The following AQR variants were observed in gnomAD, a reference collection of about 807,000 sequenced individuals.
AQR encodes aquarius intron-binding spliceosomal factor, also known as RNA helicase aquarius.
Under a neutral mutation model 180.5 loss-of-function variants are expected in AQR, and 61 were observed. The ratio of observed to expected loss-of-function variants is 0.34; its 90% CI spans 0.28 to 0.42. The LOEUF is 0.42. Among genes scored for constraint, AQR ranks in the 10% least tolerant of loss-of-function variants. AQR has a pLI of 1.00. For synonymous variants in AQR, 551 were observed against 588.8 expected (o/e 0.94, Z 0.93); for missense variants, 1,281 against 1,798.3 (o/e 0.71, Z 5.20).
intron 23 of AQR, 56 bp downstream of exon 23, chr15:34,893,607 G>GCACGCACGCACA (rs1555423808): frequency 1.0e-5 from 10 of 999,568 alleles, no homozygotes; most frequent in East Asian, 5.7e-5. Context: ...GCGCATGCGT[G>GCACGCACGCACA]CACACACACA....
chr15:34,952,554 T>A (rs781393719), intron 4 of AQR, among the ~76,000 whole-genome samples: 7 of 152,234 alleles, frequency 4.6e-5, no homozygotes, highest in Non-Finnish European at 1.0e-4. Context: ...GATGATAACA[T>A]TTTAGCTTGG....
chr15:34,958,998 G>GATATAGAT (rs1555375696), intron 3 of AQR, among the ~76,000 whole-genome samples: 5 of 131,652 alleles, frequency 3.8e-5, no homozygotes, highest in Admixed American at 1.5e-4. Flanking sequence ...TATAGATATA[G>GATATAGAT]ATATAGATAT....
chr15:34,857,908 C>A (rs988933781), intron 34 of AQR, among the ~76,000 whole-genome samples: 1 of 152,190 alleles, frequency 6.6e-6, no homozygotes, highest in African/African-American at 2.4e-5. Flanking sequence ...TTGCCCTTTG[C>A]CCCATGGCAG....
Position 34,870,775 on chromosome 15 carries a change from G to C in AQR, c.3745C>G (p.Pro1249Ala), listed in dbSNP as rs763892403. 3.5e-5 allele frequency: 57 copies of C among 1,611,496 alleles called. No homozygotes were observed. The highest frequency in any genetic ancestry group is 4.8e-5 in the Non-Finnish European group (57 of 1,178,900). ...DIINRRCGNN[P>A]LIGRPNKVTT... is the part of the protein sequence containing the mutation. ...ACCTTGTTTGGTCTTCCAATCAATG[G>C]ATTGTTTCCACATCGTCTATTGATG... is the stretch of plus-strand genomic sequence containing the variant. The change falls in exon 31 of 35, where the codon CCA (proline) becomes GCA (alanine). Residue 1249 changes from proline to alanine, a missense_variant. This residue lies in a region of AQR where 197 missense variants were observed against 320.7 expected (regional missense o/e 0.61). Coordinates refer to ENST00000156471, the MANE Select transcript of AQR (RefSeq NM_014691.3).
intron 17 of AQR, among the ~76,000 whole-genome samples, chr15:34,909,736 G>T (rs1045906974): frequency 1.3e-5 from 2 of 151,938 alleles, no homozygotes; most frequent in African/African-American, 4.8e-5. Context: ...CTGCATGTTT[G>T]TATGTTATAT....
At chr15:34,919,515 A>G (rs1292249759) in intron 14 of AQR, among the ~76,000 whole-genome samples, 1 of 152,184 alleles carries the variant, frequency 6.6e-6, no homozygotes, top group African/African-American at 2.4e-5. Flanking sequence ...TGTTGGAACT[A>G]TTTAAATTTT....
intron 3 of AQR, among the ~76,000 whole-genome samples, chr15:34,959,704 T>C (rs1437208503): frequency 1.3e-5 from 2 of 152,234 alleles, no homozygotes; most frequent in Non-Finnish European, 2.9e-5. Flanking sequence ...ATCTGCCACA[T>C]CCAAACATCA....
At chr15:34,901,243 C>T (rs952439605) in intron 19 of AQR, among the ~76,000 whole-genome samples, 9 of 152,226 alleles carry the variant, frequency 5.9e-5, no homozygotes, top group Non-Finnish European at 1.2e-4. Flanking sequence ...CTCAGTAACT[C>T]CTGGAATTTT....
rs892672176 is a variant in AQR, at chr15:34,891,601, A to G, written c.2572-1277T>C. On this transcript the variant is annotated intron_variant, in intron 23 of 34. Transcript: ENST00000156471. ...TTCAATGATTGTGCTATACAAATCA[A>G]TCATAAAGTAGAGGATAACTGTAGA... Among the ~76,000 whole-genome samples the G allele has an allele frequency of 1.1e-4, 17 of 152,202 alleles. 1 individual carries two copies. Among genetic ancestry groups the G allele is most frequent in the African/African-American group, 4.1e-4 (17 of 41,468 alleles).
chr15:34,927,609 C>A (rs1009215748), intron 12 of AQR, among the ~76,000 whole-genome samples: 2 of 152,200 alleles, frequency 1.3e-5, no homozygotes, highest in Non-Finnish European at 2.9e-5. Flanking sequence ...CACTCTCAAC[C>A]AACATAGGGT....
chr15:34,948,796 C>CA (rs761369190), intron 4 of AQR, among the ~76,000 whole-genome samples: 3,107 of 91,474 alleles, frequency 0.034, 103 homozygotes, highest in African/African-American at 0.1. Context: ...GACTCCATCT[C>CA]AAAAAAAAAA....
chr15:34,917,876 C>T (rs911609216), intron 15 of AQR, among the ~76,000 whole-genome samples: 1 of 150,322 alleles, frequency 6.7e-6, no homozygotes, highest in Non-Finnish European at 1.5e-5. Context: ...CCCAGGTACT[C>T]GGGAGGCTGA....
intron 24 of AQR, among the ~76,000 whole-genome samples, chr15:34,888,552 C>T (rs1326480980): frequency 6.6e-6 from 1 of 151,716 alleles, no homozygotes; most frequent in Non-Finnish European, 1.5e-5. Flanking sequence ...AAAAAATCAG[C>T]CAGGCTTGGT....
chr15:34,945,912 A>G (rs1894105860), intron 5 of AQR, among the ~76,000 whole-genome samples: 1 of 152,250 alleles, frequency 6.6e-6, no homozygotes, highest in African/African-American at 2.4e-5. Flanking sequence ...CTGTTGCACC[A>G]GCACAAAAAG....
At chr15:34,869,943 C>T (rs1346159079) in intron 31 of AQR, 1 of 152,140 alleles carries the variant, frequency 6.6e-6, no homozygotes, top group African/African-American at 2.4e-5. Context: ...TTTTGCTGTT[C>T]TTCATTTTTT....
At chr15:34,947,065 G>T (rs1359572396) in intron 5 of AQR, among the ~76,000 whole-genome samples, 1 of 152,228 alleles carries the variant, frequency 6.6e-6, no homozygotes, top group Admixed American at 6.5e-5. Flanking sequence ...TTGTAGAATA[G>T]AAAGAGGGGA....
rs1441749888 is a variant in AQR, at chr15:34,852,043, G to A, written c.*4749C>T. 1 of 151,946 alleles carries A rather than the reference G, an allele frequency of 6.6e-6. No homozygotes were observed. The highest frequency in any genetic ancestry group is 1.5e-5 in the Non-Finnish European group (1 of 67,996). 9.4% of individuals were successfully genotyped at this position (151,946 alleles called of 1,614,324 possible). The stretch of plus-strand genomic sequence containing the variant: ...TCACTTCACTTCTGGTTTCCTCTTC[G>A]GCTGTTACTTCACCCTCTGGTTACC... On this transcript the variant is annotated 3_prime_UTR_variant, in exon 35 of 35. Transcript: ENST00000156471.
intron 12 of AQR, 89 bp downstream of exon 12, chr15:34,930,169 T>C (rs1481591950): frequency 2.3e-5 from 15 of 647,738 alleles, no homozygotes; most frequent in Admixed American, 2.1e-4. Flanking sequence ...TAAATTAACA[T>C]GGTTTTCAAT....
intron 10 of AQR, among the ~76,000 whole-genome samples, chr15:34,933,913 G>A (rs534572716): frequency 1.3e-5 from 2 of 152,270 alleles, no homozygotes; most frequent in East Asian, 1.9e-4. Flanking sequence ...TTGAGCCCAG[G>A]AGTTCAAGAC....
Sources: gnomAD v4.1 joint callset for allele counts (sites outside exome capture counted in the v4.1 genomes callset) on GRCh38, gnomAD v4.1.1 for gene constraint, gnomAD v4.1.1 regional missense constraint, MANE v1.5 for transcripts, NCBI Gene and HGNC (gene_info 2026-07-23, HGNC 2026-07-21) for gene names.